CPT1A: variants seen among roughly 807,000 people sequenced by gnomAD.
The protein encoded by CPT1A is carnitine O-palmitoyltransferase 1, liver isoform.
Under a neutral mutation model 100.8 loss-of-function variants are expected in CPT1A, and 64 were observed. The observed-to-expected ratio is 0.63, with a 90% CI of 0.52 to 0.78. The LOEUF is 0.78. Among genes scored for constraint, CPT1A ranks in the 30% least tolerant of loss-of-function variants. The pLI is 0.00. For synonymous variants in CPT1A, 363 were observed against 396.0 expected (o/e 0.92, Z 0.99); for missense variants, 802 against 1,034.1 (o/e 0.78, Z 3.08).
chr11:68,844,275 C>T (rs1857208664), upstream of CPT1A: 1 of 152,268 alleles, frequency 6.6e-6, no homozygotes, highest in South Asian at 2.1e-4. Context: ...GTCTGCGGCT[C>T]CCGCGGCTGC....
At chr11:68,827,254 G>A (rs996422995) in intron 1 of CPT1A, among the ~76,000 whole-genome samples, 1 of 151,974 alleles carries the variant, frequency 6.6e-6, no homozygotes, top group African/African-American at 2.4e-5. Context: ...GCTCACACAA[G>A]CCCGGGAGGT....
At chr11:68,830,069 G>A (rs1856840370) in intron 1 of CPT1A, among the ~76,000 whole-genome samples, 1 of 152,120 alleles carries the variant, frequency 6.6e-6, no homozygotes, top group South Asian at 2.1e-4. Flanking sequence ...TTGAGTCCAG[G>A]AGTTCAAGAC....
chr11:68,781,793 G>A lies in CPT1A; in HGVS notation c.1330C>T (p.Leu444=). The change falls in exon 11 of 19, where the codon CTA becomes TTA. Residue 444 remains leucine, a synonymous_variant. Transcript: ENST00000265641. ...TSMDSYAKSL[L]HGRCYDRWFD... ...TACCTGTCGTAACATCGGCCGTGTA[G>A]TAGAGATTTGGCGTAGCTGTCCATT... is the stretch of plus-strand genomic sequence containing the variant. 6.2e-7 allele frequency: 1 copy of A among 1,614,180 alleles called. No homozygotes were observed. Among genetic ancestry groups the A allele is most frequent in the Non-Finnish European group, 8.5e-7 (1 of 1,180,026 alleles).
intron 1 of CPT1A, among the ~76,000 whole-genome samples, chr11:68,825,404 A>G (rs1382242590): frequency 6.6e-6 from 1 of 152,088 alleles, no homozygotes; most frequent in African/African-American, 2.4e-5. Context: ...AGCCCACCCA[A>G]TACAACAGGG....
intron 14 of CPT1A, among the ~76,000 whole-genome samples, chr11:68,768,139 G>A (rs909918762): frequency 9.5e-5 from 13 of 137,288 alleles, no homozygotes; most frequent in African/African-American, 2.8e-4. Context: ...GCAGTGGTGC[G>A]ATCTCGGCTC....
chr11:68,841,810 A>AGCGGCAGCGGCG lies in CPT1A; in HGVS notation c.-50_-49insCGCCGCTGCCGC, dbSNP rs1555235818. ...ACGGAGGTGCGGCAGCGGCAGCGGC[A>AGCGGCAGCGGCG]GCGGCGGCGGCGGCGGCGGCGGTGG... On this transcript the variant is annotated 5_prime_UTR_variant, in exon 1 of 19. Transcript: ENST00000265641. This position sits in a 1 kb window ranked among gnomAD's most constrained non-coding sequence, Gnocchi z 6.3. 2.5e-5 allele frequency: 25 copies of AGCGGCAGCGGCG among 993,564 alleles called. No homozygotes were observed. In the African/African-American group the frequency reaches 3.3e-4, roughly 13 times the overall value. The allele number at this position is 993,564 out of a possible 1,614,324, so 61.5% of individuals were successfully genotyped here.
intron 1 of CPT1A, among the ~76,000 whole-genome samples, chr11:68,825,445 G>A (rs989694012): frequency 2.0e-5 from 3 of 152,060 alleles, no homozygotes; most frequent in Admixed American, 6.6e-5. Flanking sequence ...TAACCCATCC[G>A]GAGCCAGGGA....
rs1481371502 is a variant in CPT1A at position 68,777,609 on chromosome 11, C to T, written c.1459-2177G>A. On this transcript the variant is annotated intron_variant, in intron 12 of 18. Coordinates refer to ENST00000265641, the MANE Select transcript of CPT1A (RefSeq NM_001876.4). Reference sequence around the variant, plus strand: ...GAGTCAGGCCATCCTGTCTGCTGGACGCTAACAACTAAACACCACTACTTC... The same window carrying T: ...GAGTCAGGCCATCCTGTCTGCTGGATGCTAACAACTAAACACCACTACTTC... Among the ~76,000 whole-genome samples the T allele has an allele frequency of 3.3e-5, 5 of 152,286 alleles. No homozygotes were observed. In the South Asian group the frequency reaches 1.0e-3, roughly 32 times the overall value.
intron 1 of CPT1A, among the ~76,000 whole-genome samples, chr11:68,832,747 T>C (rs1856911433): frequency 6.6e-6 from 1 of 152,246 alleles, no homozygotes; most frequent in Non-Finnish European, 1.5e-5. Context: ...CAGGCTCTGC[T>C]TTCTATTCAA....
chr11:68,825,307 A>T (rs1856695025), intron 1 of CPT1A, among the ~76,000 whole-genome samples: 1 of 152,134 alleles, frequency 6.6e-6, no homozygotes, highest in Middle Eastern at 3.2e-3. Context: ...GGAGCTCAAA[A>T]ATCTCATGTT....
At chr11:68,800,506 A>T (rs1046777741) in intron 5 of CPT1A, among the ~76,000 whole-genome samples, 2 of 151,664 alleles carry the variant, frequency 1.3e-5, no homozygotes, top group Non-Finnish European at 2.9e-5. Context: ...AAAAAAAAAA[A>T]AATACAAAAA....
intron 8 of CPT1A, among the ~76,000 whole-genome samples, chr11:68,794,275 G>C (rs1052960967): frequency 6.6e-6 from 1 of 152,206 alleles, no homozygotes; most frequent in African/African-American, 2.4e-5. Flanking sequence ...CCAGGACCAG[G>C]TGGGAGGGAG....
At chr11:68,794,716 C>T (rs1232005865) in intron 8 of CPT1A, 88 bp downstream of exon 8, 20 of 1,187,190 alleles carry the variant, frequency 1.7e-5, no homozygotes, top group Non-Finnish European at 2.4e-5. Context: ...CGGCCACAAA[C>T]TGTATATTTT....
In CPT1A at chr11:68,757,674, C is replaced by T. The variant is rs368049855; in HGVS notation, c.2292G>A (p.Leu764=). ...LKEAMTDIIT[L]FGLSSNSKK ...TTTTGGAATTAGAACTGAGACCAAACAAAGTGATGATGTCAGTCATTGCTT... is the reference window on the plus strand; with the variant it reads ...TTTTGGAATTAGAACTGAGACCAAATAAAGTGATGATGTCAGTCATTGCTT... Residue 764 remains leucine (L), a synonymous_variant, in exon 19 of 19, where the codon TTG becomes TTA. Transcript: ENST00000265641. 5 of 1,613,998 alleles carry T rather than the reference C, an allele frequency of 3.1e-6. No individual in the cohort carries two copies. In the African/African-American group the frequency reaches 6.7e-5, roughly 22 times the overall value.
Position 68,762,662 on chromosome 11 carries a change from C to G in CPT1A, c.1840G>C (p.Asp614His), listed in dbSNP as rs200893871. Residue 614 changes from aspartate to histidine, a missense_variant, in exon 15 of 19, where the codon GAC (aspartate) becomes CAC (histidine). Physicochemically the swap from Asp to His is moderately conservative, Grantham distance 81 (BLOSUM62 -1). This residue lies in a region of CPT1A where 627 missense variants were observed against 799.3 expected (regional missense o/e 0.78). Transcript: ENST00000265641. ...TVRSCTTESCDFVRAMVDPAQ... is the reference protein window; with the variant it reads ...TVRSCTTESCHFVRAMVDPAQ... The stretch of plus-strand genomic sequence containing the variant: ...GGGTCCACCATGGCCCGCACGAAGT[C>G]GCATGACTCAGTGGTGCAGGAGCGC... 1 of 1,613,944 alleles carries G rather than the reference C, an allele frequency of 6.2e-7. No individual in the cohort carries two copies. The highest frequency in any genetic ancestry group is 1.3e-5 in the African/African-American group (1 of 75,038).
intron 1 of CPT1A, among the ~76,000 whole-genome samples, chr11:68,823,069 G>A (rs573332796): frequency 6.6e-6 from 1 of 151,946 alleles, no homozygotes; most frequent in Non-Finnish European, 1.5e-5. Flanking sequence ...GGGCAACATG[G>A]CGAAACCCTG....
chr11:68,802,523 C>A (rs571448878), intron 5 of CPT1A, among the ~76,000 whole-genome samples: 6 of 150,182 alleles, frequency 4.0e-5, no homozygotes, highest in African/African-American at 1.5e-4. Context: ...CGAGGTCAGG[C>A]GATGGAGACC....
chr11:68,785,273 C>T (rs1164323205), intron 9 of CPT1A, among the ~76,000 whole-genome samples: 3 of 152,054 alleles, frequency 2.0e-5, no homozygotes, highest in Non-Finnish European at 2.9e-5. Flanking sequence ...CGAGGCCAGG[C>T]GCAGTGGGAG....
chr11:68,783,709 G>A (rs373472601), intron 10 of CPT1A, among the ~76,000 whole-genome samples: 49 of 152,308 alleles, frequency 3.2e-4, no homozygotes, highest in East Asian at 2.3e-3. Flanking sequence ...GCTGGCAGTC[G>A]GTGGGCAGAG....
Sources: allele counts gnomAD v4.1 joint callset (sites outside exome capture counted in the v4.1 genomes callset), GRCh38; gene constraint gnomAD v4.1.1; regional missense constraint gnomAD v4.1.1; non-coding constraint Gnocchi (gnomAD v3.1); transcripts MANE v1.5; gene names NCBI Gene and HGNC (gene_info 2026-07-23, HGNC 2026-07-21).